PPP1R13L: variants seen among roughly 807,000 people sequenced by gnomAD.
The protein encoded by PPP1R13L is protein phosphatase 1 regulatory subunit 13 like, also known as relA-associated inhibitor.
PPP1R13L carries 50 observed loss-of-function variants against 80.9 expected under a neutral mutation model. The ratio of observed to expected loss-of-function variants is 0.62; its 90% CI spans 0.49 to 0.78. The LOEUF (loss-of-function observed/expected upper bound fraction) is 0.78, where lower values mean the gene tolerates loss of function less well. Ranked by LOEUF, PPP1R13L falls within the 30% of genes least tolerant of loss-of-function variation. The probability of loss-of-function intolerance (pLI) is 0.00; values close to 1 mark genes in which losing one functional copy is unlikely to be tolerated. For synonymous variants in PPP1R13L, 602 were observed against 534.3 expected (o/e 1.13, Z -1.75); for missense variants, 1,200 against 1,205.9 (o/e 1.00, Z 0.07).
Position 45,395,740 on chromosome 19 carries a change from G to T in PPP1R13L, c.1050C>A (p.Ser350Arg). 1.3e-6 allele frequency: 2 copies of T among 1,520,326 alleles called. No individual in the cohort carries two copies. The highest frequency in any genetic ancestry group is 1.8e-6 in the Non-Finnish European group (2 of 1,139,352). The allele number at this position is 1,520,326 out of a possible 1,614,324, so 94.2% of individuals were successfully genotyped here. ...GTLPRSWQPVSRIPMPPSSPQ... is the reference protein window; with the variant it reads ...GTLPRSWQPVRRIPMPPSSPQ... ...GGCTGGAGGGGGGCATGGGGATGCGGCTGACGGGCTGCCAGCTGCGAGGCA... is the reference window on the plus strand; with the variant it reads ...GGCTGGAGGGGGGCATGGGGATGCGTCTGACGGGCTGCCAGCTGCGAGGCA... Residue 350 changes from serine (S) to arginine (R), a missense_variant, in exon 7 of 13, where the codon AGC becomes AGA. Ser to Arg is a moderately radical substitution (Grantham distance 110). Transcript: ENST00000360957.
At chr19:45,395,320 C>T (rs1973058908) in intron 7 of PPP1R13L, 116 bp downstream of exon 7, 1 of 1,363,836 alleles carries the variant, frequency 7.3e-7, no homozygotes, top group Non-Finnish European at 1.0e-6. Flanking sequence ...TCTGCAGGGA[C>T]AGTGCTTGTA....
At chr19:45,400,631 G>A (rs935993610) in intron 1 of PPP1R13L, among the ~76,000 whole-genome samples, 1 of 147,012 alleles carries the variant, frequency 6.8e-6, no homozygotes, top group African/African-American at 2.5e-5. Context: ...ATAGGGTCTC[G>A]CTCTGTAACC....
chr19:45,380,094 G>A lies in PPP1R13L; in HGVS notation c.*96C>T. On this transcript the variant is annotated 3_prime_UTR_variant, in exon 13 of 13. Coordinates refer to ENST00000360957, the MANE Select transcript of PPP1R13L (RefSeq NM_006663.4). ...CAAGGACCACCACCAGCAGGGTGAG[G>A]GGTGCAGATAAAGGCAGCAAAAAAC... is the stretch of plus-strand genomic sequence containing the variant. 7.4e-7 allele frequency: 1 copy of A among 1,355,546 alleles called. No homozygotes were observed. The highest frequency in any genetic ancestry group is 1.0e-6 in the Non-Finnish European group (1 of 953,728). 84.0% of individuals were successfully genotyped at this position (1,355,546 alleles called of 1,614,324 possible).
chr19:45,406,002 C>T (rs907694239), upstream of PPP1R13L, among the ~76,000 whole-genome samples: 1 of 152,198 alleles, frequency 6.6e-6, no homozygotes, highest in Non-Finnish European at 1.5e-5. The surrounding 1 kb of genome is among the most constrained non-coding windows in gnomAD (Gnocchi z 4.2). Flanking sequence ...ATCTACAAGT[C>T]CCATTTGATC....
chr19:45,402,242 CTCT>C (rs1973247765), intron 1 of PPP1R13L: 1 of 151,576 alleles, frequency 6.6e-6, no homozygotes, highest in African/African-American at 2.4e-5. Flanking sequence ...CTGTAAGTGA[CTCT>C]TTTTTTTTCT....
At position 45,385,607 on chromosome 19, in the gene PPP1R13L, C is replaced by T; in HGVS notation, c.2203G>A (p.Asp735Asn). ...SDGATAFEKC[D>N]PYREGYADCA... The stretch of plus-strand genomic sequence containing the variant: ...TCAGCATAACCCTCGCGGTAAGGGT[C>T]GCACTTCTCGAAGGCGGTGGCGCCG... The change falls in exon 11 of 13, where the codon GAC (aspartate) becomes AAC (asparagine). Residue 735 changes from aspartate (D) to asparagine (N), a missense_variant. Asp to Asn is a conservative substitution (Grantham distance 23). Transcript: ENST00000360957. 2 of 1,613,184 alleles carry T rather than the reference C, an allele frequency of 1.2e-6. No homozygotes were observed.
Position 45,382,581 on chromosome 19 carries a change from C to T in PPP1R13L, c.2394G>A (p.Trp798Ter), listed in dbSNP as rs1480187775. ...CCTGGCCGTGCAGCGCGGCCCACCA[C>T]CAGTCGGTCTCCTCCGGCCCGTCCC... is the stretch of plus-strand genomic sequence containing the variant. ...LRRDGPEETD[W>*]WWAALHGQEG... Residue 798 changes from tryptophan to a stop codon, truncating the protein, a stop_gained, in exon 12 of 13, where the codon TGG becomes TGA. Transcript: ENST00000360957. LOFTEE classifies it high-confidence loss of function. 1.2e-6 allele frequency: 2 copies of T among 1,613,450 alleles called. No homozygotes were observed. The highest frequency in any genetic ancestry group is 2.2e-5 in the East Asian group (1 of 44,894).
Position 45,385,652 on chromosome 19 carries a change from A to C in PPP1R13L, c.2158T>G (p.Phe720Val), listed in dbSNP as rs929851226. 1.6e-5 allele frequency: 26 copies of C among 1,613,084 alleles called. No homozygotes were observed. The highest frequency in any genetic ancestry group is 1.7e-5 in the Non-Finnish European group (20 of 1,179,924). ...GCGCCGTCGCTGAGCGTGGTGGCGAAGATTGCAGCGCCGTGCTGCACCAGC... is the reference window on the plus strand; with the variant it reads ...GCGCCGTCGCTGAGCGTGGTGGCGACGATTGCAGCGCCGTGCTGCACCAGC... Reference protein sequence around the residue: ...MALVQHGAAIFATTLSDGATA... With the variant: ...MALVQHGAAIVATTLSDGATA... The change falls in exon 11 of 13, where the codon TTC (phenylalanine) becomes GTC (valine). Residue 720 changes from phenylalanine (F) to valine (V), a missense_variant. By Grantham distance (50) the Phe-to-Val change is conservative. Coordinates refer to ENST00000360957, the MANE Select transcript of PPP1R13L (RefSeq NM_006663.4).
At chr19:45,398,475 T>A (rs1370575558) in intron 1 of PPP1R13L, 136 bp from the exon 2 acceptor site, 3 of 830,212 alleles carry the variant, frequency 3.6e-6, no homozygotes, top group Non-Finnish European at 5.5e-6. Context: ...CCCTTTCACC[T>A]CCCCAGCTGG....
Position 45,396,797 on chromosome 19 carries a change from C to G in PPP1R13L, c.460G>C (p.Gly154Arg), listed in dbSNP as rs977199956. 17 of 1,403,348 alleles carry G rather than the reference C, an allele frequency of 1.2e-5. No individual in the cohort carries two copies. Among genetic ancestry groups the G allele is most frequent in the Admixed American group, 3.4e-5 (1 of 29,068 alleles). The allele number at this position is 1,403,348 out of a possible 1,614,324, so 86.9% of individuals were successfully genotyped here. ...CCGGGCCGCGGGGAGGGCGCACGGC[C>G]GAGGGAGCTGCCTGCGCCATCGAAG... Reference protein sequence around the residue: ...RAFDGAGSSLGRAPSPRPGPG... With the variant: ...RAFDGAGSSLRRAPSPRPGPG... Residue 154 changes from glycine (G) to arginine (R), a missense_variant, in exon 4 of 13, where the codon GGC (glycine) becomes CGC (arginine). By Grantham distance (125) the Gly-to-Arg change is moderately radical. This residue lies in a region of PPP1R13L where 764 missense variants were observed against 714.5 expected (regional missense o/e 1.07). Transcript: ENST00000360957. This position sits in a 1 kb window ranked among gnomAD's most constrained non-coding sequence, Gnocchi z 5.3.
At chr19:45,400,760 ATTTTTT>A (rs887299061) in intron 1 of PPP1R13L, among the ~76,000 whole-genome samples, 5 of 25,964 alleles carry the variant, frequency 1.9e-4, no homozygotes, top group African/African-American at 7.1e-4. Flanking sequence ...CACCCAGCTA[ATTTTTT>A]TTTTTTTTTT....
At chr19:45,382,807 C>T (rs1972790575) in intron 11 of PPP1R13L, 81 bp from the exon 12 acceptor site, 1 of 1,391,664 alleles carries the variant, frequency 7.2e-7, no homozygotes, top group Non-Finnish European at 1.0e-6. Flanking sequence ...CCAGGACAGA[C>T]CCTGGAATTT....
At chr19:45,393,869 A>G (rs957827399) in intron 7 of PPP1R13L, among the ~76,000 whole-genome samples, 4 of 151,540 alleles carry the variant, frequency 2.6e-5, no homozygotes, top group Non-Finnish European at 4.4e-5. Flanking sequence ...CTCTGTCTCA[A>G]AAAAAAAGAG....
At chr19:45,382,798 C>T in intron 11 of PPP1R13L, 72 bp from the exon 12 acceptor site, 1 of 1,441,306 alleles carries the variant, frequency 6.9e-7, no homozygotes, top group African/African-American at 1.4e-5. Context: ...ACGTGGGGTC[C>T]AGGACAGACC....
chr19:45,383,399 A>T (rs1010017254), intron 11 of PPP1R13L, among the ~76,000 whole-genome samples: 5 of 139,550 alleles, frequency 3.6e-5, no homozygotes, highest in African/African-American at 1.4e-4. Flanking sequence ...AGTTCGAGCC[A>T]TTCTCCTGCC....
chr19:45,397,001 G>C lies in PPP1R13L; in HGVS notation c.256C>G (p.Arg86Gly), dbSNP rs1306430967. The stretch of plus-strand genomic sequence containing the variant: ...TCTGCGCCGTCGGTGGCCGCCTTCC[G>C]GGGGGACCCTCGGCTGCCGAAGGGC... ...PEPFGSRGSP[R>G]KAATDGADTP... The change falls in exon 4 of 13, where the codon CGG (arginine) becomes GGG (glycine). Residue 86 changes from arginine (R) to glycine (G), a missense_variant. Transcript: ENST00000360957. The C allele has an allele frequency of 2.2e-6, 3 of 1,374,938 alleles. No individual in the cohort carries two copies. The highest frequency in any genetic ancestry group is 1.5e-5 in the African/African-American group (1 of 66,878). 85.2% of individuals were successfully genotyped at this position (1,374,938 alleles called of 1,614,324 possible). A position where few individuals can be genotyped will look rare whatever the true frequency, so the allele number is the denominator to read the frequency against.
At chr19:45,382,946 T>C (rs1049893865) in intron 11 of PPP1R13L, among the ~76,000 whole-genome samples, 14 of 151,032 alleles carry the variant, frequency 9.3e-5, no homozygotes, top group African/African-American at 3.2e-4. Context: ...GGCATGCCAG[T>C]GGGCCACCCA....
chr19:45,382,536 G>C lies in PPP1R13L; in HGVS notation c.2439C>G (p.Asn813Lys). ...LHGQEGYVPRNYFGLFPRVKP... is the reference protein window; with the variant it reads ...LHGQEGYVPRKYFGLFPRVKP... Reference sequence around the variant, plus strand: ...TCTCCCCTGGGCTCACCCCGAAGTAGTTCCGCGGCACGTAGCCCTCCTGGC... The same window carrying C: ...TCTCCCCTGGGCTCACCCCGAAGTACTTCCGCGGCACGTAGCCCTCCTGGC... The change falls in exon 12 of 13, where the codon AAC becomes AAG. Residue 813 changes from asparagine to lysine, a missense_variant. Coordinates refer to ENST00000360957, the MANE Select transcript of PPP1R13L (RefSeq NM_006663.4). 6.2e-7 allele frequency: 1 copy of C among 1,612,750 alleles called. No individual in the cohort carries two copies. The highest frequency in any genetic ancestry group is 1.1e-5 in the South Asian group (1 of 90,988).
intron 8 of PPP1R13L, among the ~76,000 whole-genome samples, chr19:45,389,768 C>G (rs1168092840): frequency 6.6e-6 from 1 of 152,066 alleles, no homozygotes; most frequent in Non-Finnish European, 1.5e-5. Context: ...CCGAGACTCA[C>G]TTGTTTTTAT....
Sources: gnomAD v4.1 joint callset for allele counts (sites outside exome capture counted in the v4.1 genomes callset) on GRCh38, gnomAD v4.1.1 for gene constraint, gnomAD v4.1.1 regional missense constraint, Gnocchi (gnomAD v3.1) non-coding constraint, MANE v1.5 for transcripts, NCBI Gene and HGNC (gene_info 2026-07-23, HGNC 2026-07-21) for gene names.